The following SIK2 variants were observed in gnomAD, a reference collection of about 807,000 sequenced individuals.
SIK2 encodes salt inducible kinase 2.
Under a neutral mutation model 103.2 loss-of-function variants are expected in SIK2, and 29 were observed. That is an observed-to-expected ratio of 0.28 (90% confidence interval 0.21 to 0.38). The LOEUF (loss-of-function observed/expected upper bound fraction) is 0.38, where lower values mean the gene tolerates loss of function less well. Among genes scored for constraint, SIK2 ranks in the 10% least tolerant of loss-of-function variants. The pLI, the probability that SIK2 is intolerant of heterozygous loss-of-function variation, is 1.00. For synonymous variants in SIK2, 412 were observed against 446.1 expected (o/e 0.92, Z 0.96); for missense variants, 879 against 1,171.0 (o/e 0.75, Z 3.64).
intron 3 of SIK2, among the ~76,000 whole-genome samples, chr11:111,664,676 A>G (rs1942511429): frequency 6.7e-6 from 1 of 148,272 alleles, no homozygotes; most frequent in Non-Finnish European, 1.5e-5. Flanking sequence ...GAAACATTCT[A>G]TTCCCCCCAT....
At position 111,701,514 on chromosome 11, in the gene SIK2, T is replaced by C. The variant is rs184656832; in HGVS notation, c.666T>C (p.Leu222=). 7 of 1,613,978 alleles carry C rather than the reference T, an allele frequency of 4.3e-6. No homozygotes were observed. Among genetic ancestry groups the C allele is most frequent in the Non-Finnish European group, 5.9e-6 (7 of 1,179,866 alleles). The part of the protein sequence containing the change: ...CGALPFDGPT[L]PILRQRVLEG... ...CTCTGCCCTTTGATGGACCGACTCT[T>C]CCAATTTTGAGGCAGAGGGTTCTGG... Residue 222 remains leucine (L), a synonymous_variant, in exon 6 of 15, where the codon CTT becomes CTC. Transcript: ENST00000304987. This position sits in a 1 kb window ranked among gnomAD's most constrained non-coding sequence, Gnocchi z 4.2.
intron 10 of SIK2, 96 bp from the exon 11 acceptor site, chr11:111,720,382 G>T: frequency 8.1e-7 from 1 of 1,235,610 alleles, no homozygotes; most frequent in South Asian, 1.5e-5. Context: ...TTAAGGACAT[G>T]GTAGCTGTCA....
chr11:111,720,598 T>C lies in SIK2; in HGVS notation c.1616T>C (p.Met539Thr). The C allele has an allele frequency of 6.2e-7, 1 of 1,614,116 alleles. No homozygotes were observed. The highest frequency in any genetic ancestry group is 8.5e-7 in the Non-Finnish European group (1 of 1,180,016). Residue 539 changes from methionine to threonine, a missense_variant, in exon 11 of 15, where the codon ATG (methionine) becomes ACG (threonine). Physicochemically the swap from Met to Thr is moderately conservative, Grantham distance 81. Around this residue, in one of 7 missense-constraint regions of SIK2, gnomAD observed 222 missense variants for 258.0 expected, o/e 0.86. Coordinates refer to ENST00000304987, the MANE Select transcript of SIK2 (RefSeq NM_015191.3). ...LEDNPSLKDI[M>T]LANQPSPRMT... ...GACAACCCTTCCCTTAAGGACATCA[T>C]GTTAGCCAATCAGCCTTCACCCCGC...
intron 3 of SIK2, among the ~76,000 whole-genome samples, chr11:111,681,324 C>T (rs1181485056): frequency 6.6e-6 from 1 of 152,164 alleles, no homozygotes; most frequent in Non-Finnish European, 1.5e-5. Flanking sequence ...CAAGGCCAGA[C>T]TGTTAAGGTA....
At chr11:111,673,998 C>T (rs1374017366) in intron 3 of SIK2, among the ~76,000 whole-genome samples, 9 of 151,472 alleles carry the variant, frequency 5.9e-5, no homozygotes, top group East Asian at 1.9e-4. Flanking sequence ...CACTTGAACC[C>T]GCGAGACGGA....
At chr11:111,605,402 A>G (rs573522499) in intron 1 of SIK2, among the ~76,000 whole-genome samples, 2 of 152,370 alleles carry the variant, frequency 1.3e-5, no homozygotes, top group African/African-American at 2.4e-5. Flanking sequence ...CTTAAAAACT[A>G]TAAGATGTTT....
chr11:111,653,415 A>G (rs1489888406), intron 3 of SIK2, among the ~76,000 whole-genome samples: 1 of 152,226 alleles, frequency 6.6e-6, no homozygotes, highest in East Asian at 1.9e-4. Context: ...CTTGACCTTC[A>G]GCTTTGGCAC....
rs149143549 is a variant in SIK2, at chr11:111,698,230, T to G, written c.479-2656T>G. Among the ~76,000 whole-genome samples, 20 of 152,324 alleles carry G rather than the reference T, an allele frequency of 1.3e-4. No individual in the cohort carries two copies. In the East Asian group the frequency reaches 3.7e-3, roughly 28 times the overall value. On this transcript the variant is annotated intron_variant, in intron 4 of 14. Transcript: ENST00000304987. ...ACAGGAAGCTTTCTTTGTGCTAGAT[T>G]TGTAAAGCAGAGGTTGAAACTGGGC... is the stretch of plus-strand genomic sequence containing the variant.
intron 1 of SIK2, among the ~76,000 whole-genome samples, chr11:111,614,027 AG>A (rs1941766871): frequency 6.6e-6 from 1 of 151,716 alleles, no homozygotes; most frequent in East Asian, 1.9e-4. Flanking sequence ...GGCAGAGGTT[AG>A]GGGAACTGAC....
rs773522444 is a variant in SIK2, at chr11:111,724,307, C to T, written c.*178C>T. 5.9e-5 allele frequency: 53 copies of T among 896,774 alleles called. No individual in the cohort carries two copies. The highest frequency in any genetic ancestry group is 7.5e-5 in the Non-Finnish European group (46 of 611,632). 55.6% of individuals were successfully genotyped at this position (896,774 alleles called of 1,614,324 possible). A position where few individuals can be genotyped will look rare whatever the true frequency, so the allele number is the denominator to read the frequency against. On this transcript the variant is annotated 3_prime_UTR_variant, in exon 15 of 15. Transcript: ENST00000304987. ...TGGATGTTGCTTCCTCCTGGTTCTG[C>T]CCCACCACAAAGTTTTCTGTGGCAA...
intron 3 of SIK2, among the ~76,000 whole-genome samples, chr11:111,651,547 G>T (rs1238764434): frequency 6.6e-6 from 1 of 152,140 alleles, no homozygotes; most frequent in Non-Finnish European, 1.5e-5. Context: ...GTGATGGGAG[G>T]GAGAACATCA....
At chr11:111,662,364 C>T (rs551266556) in intron 3 of SIK2, among the ~76,000 whole-genome samples, 2 of 152,246 alleles carry the variant, frequency 1.3e-5, no homozygotes, top group East Asian at 3.9e-4. Context: ...AATCCTTGTC[C>T]ACATTCACAT....
chr11:111,668,562 C>A (rs1046238633), intron 3 of SIK2, among the ~76,000 whole-genome samples: 2 of 152,108 alleles, frequency 1.3e-5, no homozygotes, highest in African/African-American at 4.8e-5. Flanking sequence ...TTTTTGAGTC[C>A]TCATCTATTT....
chr11:111,707,970 C>T (rs146586770), intron 8 of SIK2, among the ~76,000 whole-genome samples: 85 of 152,250 alleles, frequency 5.6e-4, no homozygotes, highest in Middle Eastern at 3.4e-3. Flanking sequence ...TAACCTGTAC[C>T]GGGAGTTTAG....
rs149623284 is a variant in SIK2, at chr11:111,706,459, C to A, written c.1101+1320C>A. 4.6e-5 allele frequency among the ~76,000 whole-genome samples: 7 copies of A among 152,222 alleles called. No individual in the cohort carries two copies. The East Asian group carries it at 1.2e-3, about 25-fold the overall frequency. The stretch of plus-strand genomic sequence containing the variant: ...TGGTTAGTATGCTCCATTGACTTTC[C>A]TGTCTACTTCTGTAACTGACTTTGT... On this transcript the variant is annotated intron_variant, in intron 8 of 14. Transcript: ENST00000304987.
intron 3 of SIK2, among the ~76,000 whole-genome samples, chr11:111,636,477 T>C (rs946472206): frequency 6.6e-6 from 1 of 152,202 alleles, no homozygotes; most frequent in African/African-American, 2.4e-5. Flanking sequence ...GTTAACAAAG[T>C]CTCTGCCTTC....
At position 111,621,867 on chromosome 11, in the gene SIK2, C is replaced by T. The variant is rs147856061; in HGVS notation, c.316+1465C>T. 8.1e-3 allele frequency among the ~76,000 whole-genome samples: 1,230 copies of T among 151,964 alleles called. 20 individuals carry two copies. The highest frequency in any genetic ancestry group is 0.028 in the African/African-American group (1,162 of 41,426). On this transcript the variant is annotated intron_variant, in intron 3 of 14. Coordinates refer to ENST00000304987, the MANE Select transcript of SIK2 (RefSeq NM_015191.3). ...GGCGGAGGCTGCAGTGAGCCACGACCGCACCACTGTACTTTAGCCTGGGCA... is the reference window on the plus strand; with the variant it reads ...GGCGGAGGCTGCAGTGAGCCACGACTGCACCACTGTACTTTAGCCTGGGCA...
At chr11:111,650,085 T>C (rs551964909) in intron 3 of SIK2, among the ~76,000 whole-genome samples, 1 of 152,192 alleles carries the variant, frequency 6.6e-6, no homozygotes, top group African/African-American at 2.4e-5. Flanking sequence ...ATTGTGTAGA[T>C]CTTTCTCCCA....
chr11:111,726,736 A>AGGT lies in SIK2; in HGVS notation c.*2608_*2609insGTG. On this transcript the variant is annotated 3_prime_UTR_variant, in exon 15 of 15. Coordinates refer to ENST00000304987, the MANE Select transcript of SIK2 (RefSeq NM_015191.3). ...AACAAACAAAACACTAAGAAGGCTT[A>AGGT]GTATCGCTCTTTTTCTGCGGGGCTA... is the stretch of plus-strand genomic sequence containing the variant. The AGGT allele has an allele frequency of 1.8e-6, 1 of 554,176 alleles. No individual in the cohort carries two copies. Among genetic ancestry groups the AGGT allele is most frequent in the Non-Finnish European group, 3.2e-6 (1 of 310,126 alleles). The allele number at this position is 554,176 out of a possible 1,614,324, so 34.3% of individuals were successfully genotyped here.
Sources: gnomAD v4.1 joint callset for allele counts (sites outside exome capture counted in the v4.1 genomes callset) on GRCh38, gnomAD v4.1.1 for gene constraint, gnomAD v4.1.1 regional missense constraint, Gnocchi (gnomAD v3.1) non-coding constraint, MANE v1.5 for transcripts, NCBI Gene and HGNC (gene_info 2026-07-23, HGNC 2026-07-21) for gene names.